SMAD3: variants seen among roughly 807,000 people sequenced by gnomAD.
The protein encoded by SMAD3 is SMAD family member 3.
Under a neutral mutation model 51.8 loss-of-function variants are expected in SMAD3, and 12 were observed. That is an observed-to-expected ratio of 0.23 (90% CI 0.15 to 0.38). SMAD3 has a LOEUF of 0.38. Ranked by LOEUF, SMAD3 falls within the 10% of genes least tolerant of loss-of-function variation. The pLI, the probability that SMAD3 is intolerant of heterozygous loss-of-function variation, is 1.00. For missense variants in SMAD3, 294 were observed against 565.6 expected (o/e 0.52, Z 4.87); for synonymous variants, 238 against 227.7 (o/e 1.05, Z -0.41).
Position 67,168,753 on chromosome 15 carries a change from A to C in SMAD3, c.608-1801A>C, listed in dbSNP as rs143673738. 2.8e-4 allele frequency among the ~76,000 whole-genome samples: 43 copies of C among 152,042 alleles called. No homozygotes were observed. The East Asian group carries it at 8.3e-3, about 29-fold the overall frequency. On this transcript the variant is annotated intron_variant, in intron 4 of 8. Coordinates refer to ENST00000327367, the MANE Select transcript of SMAD3 (RefSeq NM_005902.4). ...CAGGGTCCTGTTGTGAACATGAGTG[A>C]TTTATCTACAGTAGAGACAGACCAG...
At chr15:67,098,351 A>AGAGC (rs1555407142) in intron 1 of SMAD3, among the ~76,000 whole-genome samples, 1 of 121,620 alleles carries the variant, frequency 8.2e-6, no homozygotes, top group South Asian at 3.1e-4. Context: ...AGGGAGGGAG[A>AGAGC]GAGCGAGCGA....
rs113661141 is a variant in SMAD3, at chr15:67,072,744, G to C, written c.206+6384G>C. On this transcript the variant is annotated intron_variant, in intron 1 of 8. Coordinates refer to ENST00000327367, the MANE Select transcript of SMAD3 (RefSeq NM_005902.4). ...TCCCTAAGGAGGGGTATGACCTTCT[G>C]TTGGCCTCTGACAAGTCCCTGAGCC... 4.2e-3 allele frequency among the ~76,000 whole-genome samples: 637 copies of C among 152,292 alleles called. 1 individual carries two copies. Among genetic ancestry groups the C allele is most frequent in the Middle Eastern group, 6.8e-3 (2 of 294 alleles).
intron 1 of SMAD3, among the ~76,000 whole-genome samples, chr15:67,088,356 A>C (rs1005888843): frequency 6.6e-6 from 1 of 152,170 alleles, no homozygotes; most frequent in African/African-American, 2.4e-5. Context: ...GGCCTAGGGA[A>C]GCCCACTATA....
intron 1 of SMAD3, among the ~76,000 whole-genome samples, chr15:67,076,994 G>A (rs1694747298): frequency 6.6e-6 from 1 of 152,216 alleles, no homozygotes; most frequent in Non-Finnish European, 1.5e-5. Context: ...GGTGGTGCTA[G>A]GGGTGGGCTG....
chr15:67,101,314 A>G (rs1050111499), intron 1 of SMAD3, among the ~76,000 whole-genome samples: 25 of 152,190 alleles, frequency 1.6e-4, no homozygotes, highest in Non-Finnish European at 3.2e-4. Flanking sequence ...TGCTTACTCT[A>G]CTTTCAAACC....
In SMAD3 at chr15:67,113,076, G is replaced by GTGTGTATATATATATATA. The variant is rs763595789; in HGVS notation, c.206+46717_206+46718insGTGTATATATATATATAT. On this transcript the variant is annotated intron_variant, in intron 1 of 8. Coordinates refer to ENST00000327367, the MANE Select transcript of SMAD3 (RefSeq NM_005902.4). ...CAACTTTTAAAATATATATATATGT[G>GTGTGTATATATATATATA]TATATATATATATATATATTTTTTT... 1.7e-3 allele frequency among the ~76,000 whole-genome samples: 60 copies of GTGTGTATATATATATATA among 34,972 alleles called. 6 individuals carry two copies. Among genetic ancestry groups the GTGTGTATATATATATATA allele is most frequent in the Admixed American group, 7.6e-3 (21 of 2,764 alleles). The allele number at this position is 34,972 out of a possible 152,430, so 22.9% of individuals were successfully genotyped here.
chr15:67,110,813 C>T (rs549804770), intron 1 of SMAD3, among the ~76,000 whole-genome samples: 1 of 152,198 alleles, frequency 6.6e-6, no homozygotes, highest in Non-Finnish European at 1.5e-5. Context: ...CGTAGATACA[C>T]AGAAAAACTG....
At chr15:67,163,674 G>A (rs1962490609) in intron 1 of SMAD3, among the ~76,000 whole-genome samples, 1 of 152,142 alleles carries the variant, frequency 6.6e-6, no homozygotes, top group South Asian at 2.1e-4. Flanking sequence ...AACCTCTGCT[G>A]CTGGTCAGGG....
At position 67,152,639 on chromosome 15, in the gene SMAD3, T is replaced by C. The variant is rs555325211; in HGVS notation, c.207-12256T>C. Among the ~76,000 whole-genome samples the C allele has an allele frequency of 6.6e-5, 10 of 152,262 alleles. No homozygotes were observed. The East Asian group carries it at 1.9e-3, about 29-fold the overall frequency. On this transcript the variant is annotated intron_variant, in intron 1 of 8. Transcript: ENST00000327367. ...GATCTCTTAAAAAAACATAAACCAT[T>C]GTCAGGCCTAATTTTCAGCAGAGTG...
chr15:67,137,274 T>C (rs1370796621), intron 1 of SMAD3, among the ~76,000 whole-genome samples: 1 of 152,246 alleles, frequency 6.6e-6, no homozygotes, highest in African/African-American at 2.4e-5. Flanking sequence ...CCAGGTGATA[T>C]CAGCACTGCA....
At chr15:67,070,514 T>C (rs1270698013) in intron 1 of SMAD3, among the ~76,000 whole-genome samples, 1 of 151,982 alleles carries the variant, frequency 6.6e-6, no homozygotes, top group Admixed American at 6.6e-5. Context: ...TCTGAGTCAA[T>C]TTTTTAGGTA....
At chr15:67,162,957 G>GATGATGAT (rs1962470459) in intron 1 of SMAD3, among the ~76,000 whole-genome samples, 1 of 150,602 alleles carries the variant, frequency 6.6e-6, no homozygotes, top group African/African-American at 2.5e-5. Context: ...TGATGATGAT[G>GATGATGAT]ATGATGATGA....
chr15:67,073,532 GCT>G (rs1436975348), intron 1 of SMAD3, among the ~76,000 whole-genome samples: 1 of 152,166 alleles, frequency 6.6e-6, no homozygotes, highest in African/African-American at 2.4e-5. Flanking sequence ...TCTAGACGTG[GCT>G]CTGTTTCTGA....
Position 67,065,847 on chromosome 15 carries a change from T to C in SMAD3, c.-308T>C, listed in dbSNP as rs1345618179. 1 of 216,216 alleles carries C rather than the reference T, an allele frequency of 4.6e-6. No homozygotes were observed. The highest frequency in any genetic ancestry group is 2.3e-5 in the African/African-American group (1 of 44,306). 13.4% of individuals were successfully genotyped at this position (216,216 alleles called of 1,614,324 possible). On this transcript the variant is annotated 5_prime_UTR_variant, in exon 1 of 9. Transcript: ENST00000327367. ...CGGAAACCCAAACTTCTGCTGCCAC[T>C]TGGAGTCTCGCGGCCGCCGCCTCCG...
chr15:67,165,734 G>A (rs1962568654), intron 3 of SMAD3, among the ~76,000 whole-genome samples: 1 of 152,242 alleles, frequency 6.6e-6, no homozygotes, highest in African/African-American at 2.4e-5. Context: ...CTGGGGGTCT[G>A]CAGAGGCGGG....
rs1963423262 is a variant in SMAD3, at chr15:67,193,626, AG to A, written c.*3092del. 1 of 233,330 alleles carries A rather than the reference AG, an allele frequency of 4.3e-6. No individual in the cohort carries two copies. Among genetic ancestry groups the A allele is most frequent in the Non-Finnish European group, 8.5e-6 (1 of 117,916 alleles). The allele number at this position is 233,330 out of a possible 1,614,324, so 14.5% of individuals were successfully genotyped here. On this transcript the variant is annotated 3_prime_UTR_variant, in exon 9 of 9. Transcript: ENST00000327367. ...GTCAGGAGCAGGGACTTTGACTCTT[AG>A]GAAGAGCACACATGAGGGCAAGGCT...
chr15:67,190,205 A>G (rs1196202647), intron 8 of SMAD3, among the ~76,000 whole-genome samples: 1 of 152,118 alleles, frequency 6.6e-6, no homozygotes, highest in African/African-American at 2.4e-5. Context: ...CTTCCCCCTC[A>G]AGAGAACTTA....
At chr15:67,161,316 T>A (rs1420005885) in intron 1 of SMAD3, among the ~76,000 whole-genome samples, 3 of 152,204 alleles carry the variant, frequency 2.0e-5, no homozygotes, top group African/African-American at 7.2e-5. Flanking sequence ...CTGCCTTGAT[T>A]ATTGTAGCTC....
intron 1 of SMAD3, among the ~76,000 whole-genome samples, chr15:67,159,483 C>T (rs1386851084): frequency 6.6e-6 from 1 of 152,072 alleles, no homozygotes; most frequent in East Asian, 1.9e-4. Context: ...AGTCCATTGC[C>T]TTTTTTTGGA....
Sources: allele counts gnomAD v4.1 joint callset (sites outside exome capture counted in the v4.1 genomes callset), GRCh38; gene constraint gnomAD v4.1.1; transcripts MANE v1.5; gene names NCBI Gene and HGNC (gene_info 2026-07-23, HGNC 2026-07-21).